CCDC102B: variants seen among roughly 807,000 people sequenced by gnomAD.
CCDC102B encodes coiled-coil domain containing 102B.
CCDC102B carries 75 observed loss-of-function variants against 57.4 expected under a neutral mutation model. The ratio of observed to expected loss-of-function variants is 1.31; its 90% confidence interval spans 1.08 to 1.58. The LOEUF is 1.58. Ranked by LOEUF, CCDC102B falls within the 40% of genes most tolerant of loss-of-function variation. The pLI, the probability that CCDC102B is intolerant of heterozygous loss-of-function variation, is 0.00. For synonymous variants in CCDC102B, 206 were observed against 201.9 expected (o/e 1.02, Z -0.17); for missense variants, 636 against 582.6 (o/e 1.09, Z -0.94).
intron 2 of CCDC102B, among the ~76,000 whole-genome samples, chr18:68,765,543 G>A (rs1298532392): frequency 1.3e-5 from 2 of 151,930 alleles, no homozygotes; most frequent in Non-Finnish European, 2.9e-5. Flanking sequence ...GAAAATAAGT[G>A]GAAGCCAAAG....
At chr18:68,991,399 T>A (rs1224543811) in intron 6 of CCDC102B, among the ~76,000 whole-genome samples, 1 of 152,208 alleles carries the variant, frequency 6.6e-6, no homozygotes, top group Non-Finnish European at 1.5e-5. Flanking sequence ...ACTTGTGCAA[T>A]TACAGGGCAC....
intron 6 of CCDC102B, among the ~76,000 whole-genome samples, chr18:69,010,490 G>A (rs1174005214): frequency 1.3e-5 from 2 of 151,994 alleles, no homozygotes; most frequent in Non-Finnish European, 2.9e-5. Context: ...AGATGTGGCA[G>A]GTAACAACAT....
intron 6 of CCDC102B, among the ~76,000 whole-genome samples, chr18:68,925,337 T>G (rs1368853485): frequency 6.6e-6 from 1 of 151,952 alleles, no homozygotes; most frequent in Non-Finnish European, 1.5e-5. Context: ...TATCAGCACC[T>G]TTTTTGGTGA....
chr18:68,810,031 A>G (rs1433478429), intron 1 of CCDC102B, among the ~76,000 whole-genome samples: 2 of 152,140 alleles, frequency 1.3e-5, no homozygotes, highest in African/African-American at 4.8e-5. Context: ...TCTTAACATT[A>G]TTTTACCACT....
rs181960334 is a variant in CCDC102B at position 69,026,187 on chromosome 18, C to T, written c.1434+15083C>T. Among the ~76,000 whole-genome samples, 386 of 152,122 alleles carry T rather than the reference C, an allele frequency of 2.5e-3. 2 individuals carry two copies. The highest frequency in any genetic ancestry group is 8.0e-3 in the African/African-American group (334 of 41,508). ...TATCAAGAAGGCAGTCCAGTCTTGC[C>T]GGGCACGGTGGCTCACGCCTGTAAT... On this transcript the variant is annotated intron_variant, in intron 7 of 7. Coordinates refer to ENST00000360242, the MANE Select transcript of CCDC102B (RefSeq NM_024781.3).
At chr18:68,775,282 C>T (rs1252193880) in intron 2 of CCDC102B, among the ~76,000 whole-genome samples, 1 of 151,830 alleles carries the variant, frequency 6.6e-6, no homozygotes, top group Non-Finnish European at 1.5e-5. Context: ...TTTAAAGTGG[C>T]AATATTGCTA....
At chr18:68,934,482 T>C (rs2041779707) in intron 6 of CCDC102B, among the ~76,000 whole-genome samples, 1 of 152,014 alleles carries the variant, frequency 6.6e-6, no homozygotes, top group South Asian at 2.1e-4. Context: ...TTAATTCCAC[T>C]CATGATTTCT....
chr18:68,914,998 A>G (rs1250647194), intron 6 of CCDC102B, among the ~76,000 whole-genome samples: 1 of 148,804 alleles, frequency 6.7e-6, no homozygotes, highest in African/African-American at 2.5e-5. Context: ...AGAGAGAGAC[A>G]GACAGAAAGA....
chr18:68,752,757 A>G (rs1409485945), intron 2 of CCDC102B, among the ~76,000 whole-genome samples: 1 of 152,134 alleles, frequency 6.6e-6, no homozygotes, highest in African/African-American at 2.4e-5. Context: ...GGTTGTTTTG[A>G]ATTTTGTATG....
intron 1 of CCDC102B, among the ~76,000 whole-genome samples, chr18:68,815,677 T>TACATAC (rs139160920): frequency 2.7e-5 from 4 of 149,178 alleles, no homozygotes; most frequent in Non-Finnish European, 4.5e-5. Flanking sequence ...TCCATTTACA[T>TACATAC]ACACACACAC....
At chr18:68,813,181 T>TTCTC (rs142421359) in intron 1 of CCDC102B, among the ~76,000 whole-genome samples, 22 of 149,642 alleles carry the variant, frequency 1.5e-4, no homozygotes, top group Non-Finnish European at 2.1e-4. Context: ...CATTTCCCAC[T>TTCTC]TCTCTCTCTC....
chr18:68,793,700 T>C (rs1200781112), upstream of CCDC102B, among the ~76,000 whole-genome samples: 1 of 152,148 alleles, frequency 6.6e-6, no homozygotes, highest in Admixed American at 6.6e-5. Context: ...CAACCAGCTG[T>C]CAGCTTTGTG....
intron 4 of CCDC102B, among the ~76,000 whole-genome samples, chr18:68,846,880 C>G (rs1159789997): frequency 6.6e-6 from 1 of 151,708 alleles, no homozygotes; most frequent in African/African-American, 2.4e-5. Flanking sequence ...CAATTTATCT[C>G]AGGCATATTG....
chr18:68,759,050 A>G (rs1052082963), intron 2 of CCDC102B, among the ~76,000 whole-genome samples: 5 of 151,952 alleles, frequency 3.3e-5, no homozygotes, highest in Non-Finnish European at 5.9e-5. Context: ...AAAACAACCA[A>G]GATACACTCA....
rs1450567276 is a variant in CCDC102B at position 69,055,030 on chromosome 18, CTT to C, written c.*894_*895del. ...AAATGTTATTTTGAACAAAAAGACA[CTT>C]ATAATTTTCCATACCTATTTTCAAC... is the stretch of plus-strand genomic sequence containing the variant. On this transcript the variant is annotated 3_prime_UTR_variant, in exon 8 of 8. Coordinates refer to ENST00000360242, the MANE Select transcript of CCDC102B (RefSeq NM_024781.3). 5.1e-6 allele frequency: 5 copies of C among 982,650 alleles called. No individual in the cohort carries two copies. The highest frequency in any genetic ancestry group is 5.2e-4 in the Middle Eastern group (1 of 1,910). 60.9% of individuals were successfully genotyped at this position (982,650 alleles called of 1,614,324 possible).
At chr18:68,936,025 C>T (rs921839696) in intron 6 of CCDC102B, among the ~76,000 whole-genome samples, 2 of 151,926 alleles carry the variant, frequency 1.3e-5, no homozygotes, top group Non-Finnish European at 2.9e-5. Context: ...TTCCAGCAGA[C>T]ATGATGCTAC....
chr18:68,856,919 C>A (rs2038412624), intron 4 of CCDC102B, among the ~76,000 whole-genome samples: 1 of 147,266 alleles, frequency 6.8e-6, no homozygotes, highest in African/African-American at 2.5e-5. Flanking sequence ...CACATTTATA[C>A]TCACACTTAT....
intron 1 of CCDC102B, among the ~76,000 whole-genome samples, chr18:68,832,754 G>A (rs908023459): frequency 7.1e-6 from 1 of 140,294 alleles, no homozygotes; most frequent in Non-Finnish European, 1.6e-5. Flanking sequence ...TGAAGGATGA[G>A]AAGCCAGGGG....
intron 2 of CCDC102B, among the ~76,000 whole-genome samples, chr18:68,783,614 C>T (rs2035079892): frequency 6.6e-6 from 1 of 152,162 alleles, no homozygotes; most frequent in Non-Finnish European, 1.5e-5. Flanking sequence ...ACCTTGTTGA[C>T]AGCCTTCTCT....
Sources: gnomAD v4.1 joint callset for allele counts (sites outside exome capture counted in the v4.1 genomes callset) on GRCh38, gnomAD v4.1.1 for gene constraint, MANE v1.5 for transcripts, NCBI Gene and HGNC (gene_info 2026-07-23, HGNC 2026-07-21) for gene names.